MRPS35: variants seen among roughly 807,000 people sequenced by gnomAD.
MRPS35 encodes the protein small ribosomal subunit protein mS35.
Under a neutral mutation model 32.7 loss-of-function variants are expected in MRPS35, and 29 were observed. That is an observed-to-expected ratio of 0.89 (90% CI 0.66 to 1.21). The LOEUF is 1.21. Among genes scored for constraint, MRPS35 ranks in the 50% most tolerant of loss-of-function variants. The pLI, the probability that MRPS35 is intolerant of heterozygous loss-of-function variation, is 0.00. For synonymous variants in MRPS35, 148 were observed against 139.3 expected, an observed-to-expected ratio of 1.06 and a Z score of -0.44; for missense variants, 373 against 383.8, an observed-to-expected ratio of 0.97 and a Z score of 0.23.
chr12:27,711,542 G>A (rs2061823936), intron 1 of MRPS35, among the ~76,000 whole-genome samples: 1 of 152,148 alleles, frequency 6.6e-6, no homozygotes, highest in Admixed American at 6.5e-5. Context: ...CTAGAATGAC[G>A]GGAGCGTTGA....
chr12:27,714,136 T>G (rs2061840018), intron 1 of MRPS35, among the ~76,000 whole-genome samples: 2 of 150,518 alleles, frequency 1.3e-5, no homozygotes, highest in African/African-American at 4.9e-5. Flanking sequence ...TCATACAAAC[T>G]AATTGACTAG....
At chr12:27,716,518 C>T in intron 3 of MRPS35, 60 bp downstream of exon 3, 1 of 1,562,492 alleles carries the variant, frequency 6.4e-7, no homozygotes, top group South Asian at 1.1e-5. Context: ...CTGATCTTCC[C>T]CCCTATTTCT....
chr12:27,737,792 AT>A (rs1472106352), intron 7 of MRPS35, among the ~76,000 whole-genome samples, 184 bp downstream of exon 7: 2 of 152,194 alleles, frequency 1.3e-5, no homozygotes, highest in African/African-American at 4.8e-5. Flanking sequence ...AAATAGGATT[AT>A]TCAGTTCATC....
chr12:27,719,523 G>A (rs190056411), intron 3 of MRPS35, among the ~76,000 whole-genome samples: 13,141 of 151,704 alleles, frequency 0.087, 1,859 homozygotes, highest in African/African-American at 0.3. Flanking sequence ...AAAATTAGCC[G>A]GGCGTGGTGG....
intron 2 of MRPS35, among the ~76,000 whole-genome samples, chr12:27,715,388 C>CA (rs2061845517): frequency 1.3e-5 from 2 of 152,144 alleles, no homozygotes; most frequent in Admixed American, 1.3e-4. Context: ...CCACCCGCCT[C>CA]AGTGCTGGGA....
chr12:27,721,312 T>C (rs912142632), intron 4 of MRPS35, among the ~76,000 whole-genome samples: 1 of 152,200 alleles, frequency 6.6e-6, no homozygotes, highest in Non-Finnish European at 1.5e-5. Flanking sequence ...TTAGAGTGTG[T>C]GTTTCTCTAT....
chr12:27,714,302 C>G (rs972409172), intron 1 of MRPS35, among the ~76,000 whole-genome samples: 1 of 151,866 alleles, frequency 6.6e-6, no homozygotes, highest in Non-Finnish European at 1.5e-5. Context: ...ATTTTCCTTA[C>G]TGGGGCTAGG....
intron 2 of MRPS35, among the ~76,000 whole-genome samples, chr12:27,715,995 C>T (rs1052122141): frequency 4.0e-5 from 6 of 151,866 alleles, no homozygotes; most frequent in African/African-American, 1.5e-4. Flanking sequence ...CTTTCATAAG[C>T]AAAATGTAAA....
intron 3 of MRPS35, among the ~76,000 whole-genome samples, chr12:27,718,466 G>A (rs564430250): frequency 1.1e-4 from 16 of 152,256 alleles, no homozygotes; most frequent in African/African-American, 2.4e-4. Context: ...GGCATAATTC[G>A]TGGAGTAACT....
intron 7 of MRPS35, among the ~76,000 whole-genome samples, chr12:27,743,632 A>G (rs2061972012): frequency 1.3e-5 from 2 of 152,252 alleles, no homozygotes; most frequent in Admixed American, 1.3e-4. Context: ...ATCGTCTCCA[A>G]CTGAAGAACA....
At chr12:27,740,155 G>C (rs995422828) in intron 7 of MRPS35, among the ~76,000 whole-genome samples, 1 of 152,074 alleles carries the variant, frequency 6.6e-6, no homozygotes, top group African/African-American at 2.4e-5. Context: ...ACTTGAAATT[G>C]ATGTTATCAC....
chr12:27,719,812 C>A lies in MRPS35; in HGVS notation c.326C>A (p.Pro109His), dbSNP rs1270565787. The A allele has an allele frequency of 1.3e-6, 2 of 1,597,520 alleles. No individual in the cohort carries two copies. Among genetic ancestry groups the A allele is most frequent in the Admixed American group, 3.3e-5 (2 of 59,704 alleles). The change falls in exon 4 of 8, where the codon CCC becomes CAC. Residue 109 changes from proline (P) to histidine (H), a missense_variant. Coordinates refer to ENST00000081029, the MANE Select transcript of MRPS35 (RefSeq NM_021821.4). Reference protein sequence around the residue: ...KEGNLELLKIPNFLHLTPVAI... With the variant: ...KEGNLELLKIHNFLHLTPVAI... ...TTTTAAATTTCTCTATTTAAGATTC[C>A]CAATTTTCTGCATTTGACTCCTGTA...
chr12:27,733,395 G>C (rs2061930461), intron 5 of MRPS35, among the ~76,000 whole-genome samples: 1 of 152,104 alleles, frequency 6.6e-6, no homozygotes, highest in East Asian at 1.9e-4. Flanking sequence ...TTGCAGTAAT[G>C]ATCAGCTTTG....
rs1392360066 is a variant in MRPS35, at chr12:27,714,836, A to T, written c.153+16A>T. 1 of 1,605,632 alleles carries T rather than the reference A, an allele frequency of 6.2e-7. No individual in the cohort carries two copies. Among genetic ancestry groups the T allele is most frequent in the African/African-American group, 1.3e-5 (1 of 74,646 alleles). On this transcript the variant is annotated intron_variant, in intron 2 of 7. Transcript: ENST00000081029. ...AAGAAGAAAGGTAAAAAGTTCGTAT[A>T]CTCTACTATCTTAATGGTTTCTGGA...
intron 7 of MRPS35, among the ~76,000 whole-genome samples, chr12:27,750,068 T>C (rs901619601): frequency 4.6e-5 from 7 of 152,228 alleles, no homozygotes; most frequent in African/African-American, 1.4e-4. Context: ...CCGTAACTTA[T>C]TTGGTGACAA....
chr12:27,714,123 C>A (rs1291102774), intron 1 of MRPS35, among the ~76,000 whole-genome samples: 1 of 150,988 alleles, frequency 6.6e-6, no homozygotes, highest in Non-Finnish European at 1.5e-5. Context: ...AAAAAATTCA[C>A]CGTCATACAA....
intron 6 of MRPS35, among the ~76,000 whole-genome samples, chr12:27,737,318 A>G (rs1010083765): frequency 1.2e-4 from 19 of 152,256 alleles, no homozygotes; most frequent in Non-Finnish European, 2.5e-4. Flanking sequence ...TTAGTAATGA[A>G]AACAAAGAGA....
At chr12:27,733,475 A>G (rs1366220471) in intron 5 of MRPS35, among the ~76,000 whole-genome samples, 1 of 152,144 alleles carries the variant, frequency 6.6e-6, no homozygotes, top group Non-Finnish European at 1.5e-5. Flanking sequence ...TTTTAAATTT[A>G]TTGTTAGACA....
intron 5 of MRPS35, among the ~76,000 whole-genome samples, chr12:27,730,866 C>A (rs980482678): frequency 3.3e-5 from 5 of 152,094 alleles, no homozygotes; most frequent in African/African-American, 1.2e-4. Flanking sequence ...CCCCTCTTAC[C>A]CATACTCTAC....
Sources: allele counts gnomAD v4.1 joint callset (sites outside exome capture counted in the v4.1 genomes callset), GRCh38; gene constraint gnomAD v4.1.1; transcripts MANE v1.5; gene names NCBI Gene and HGNC (gene_info 2026-07-23, HGNC 2026-07-21).